Variants in CEP57L1 observed in about 807,000 individuals in gnomAD.
CEP57L1 encodes centrosomal protein 57 like 1.
CEP57L1 carries 37 observed loss-of-function variants against 61.0 expected under a neutral mutation model. That is an observed-to-expected ratio of 0.61 (90% CI 0.47 to 0.80). The LOEUF is 0.80. Ranked by LOEUF, CEP57L1 falls within the 30% of genes least tolerant of loss-of-function variation. The probability of loss-of-function intolerance (pLI) is 0.00; values close to 1 mark genes in which losing one functional copy is unlikely to be tolerated. For synonymous variants in CEP57L1, 137 were observed against 162.3 expected (o/e 0.84, Z 1.19); for missense variants, 422 against 524.7 (o/e 0.80, Z 1.91).
chr6:109,153,722 TTTC>T, intron 4 of CEP57L1, 108 bp from the exon 5 acceptor site: 1 of 723,984 alleles, frequency 1.4e-6, no homozygotes, highest in Non-Finnish European at 2.5e-6. Flanking sequence ...TATGTACATG[TTTC>T]TTAAGATATT....
intron 1 of CEP57L1, among the ~76,000 whole-genome samples, chr6:109,107,052 A>T (rs1272989157): frequency 2.0e-5 from 3 of 152,252 alleles, no homozygotes; most frequent in African/African-American, 7.2e-5. Context: ...GTTTCAAACT[A>T]CAATTTTCAA....
At chr6:109,124,764 T>C (rs922219330) in intron 1 of CEP57L1, among the ~76,000 whole-genome samples, 1 of 152,188 alleles carries the variant, frequency 6.6e-6, no homozygotes, top group Non-Finnish European at 1.5e-5. Flanking sequence ...ACTAGTTCAG[T>C]ACCAAGTATT....
At chr6:109,103,121 T>C (rs1055025988) in intron 1 of CEP57L1, among the ~76,000 whole-genome samples, 1 of 152,236 alleles carries the variant, frequency 6.6e-6, no homozygotes, top group African/African-American at 2.4e-5. Context: ...TTTTCCACAA[T>C]AGTTTGACCC....
chr6:109,155,726 T>C, intron 6 of CEP57L1, 65 bp from the exon 7 acceptor site: 1 of 782,290 alleles, frequency 1.3e-6, no homozygotes, highest in South Asian at 1.7e-5. Context: ...TTAGACCTGA[T>C]ATCTCATTAC....
At chr6:109,105,298 A>C (rs2114587104) in intron 1 of CEP57L1, among the ~76,000 whole-genome samples, 1 of 152,224 alleles carries the variant, frequency 6.6e-6, no homozygotes, top group South Asian at 2.1e-4. Context: ...TTCTAAAACA[A>C]AGGTTTGTTG....
At chr6:109,112,255 G>A (rs761846000) in intron 1 of CEP57L1, among the ~76,000 whole-genome samples, 2 of 152,074 alleles carry the variant, frequency 1.3e-5, no homozygotes, top group South Asian at 2.1e-4. Context: ...GTCTTGGGAG[G>A]GTGTATGTGC....
intron 7 of CEP57L1, 84 bp from the exon 8 acceptor site, chr6:109,158,941 T>C (rs1773467610): frequency 3.6e-6 from 5 of 1,371,148 alleles, no homozygotes; most frequent in Non-Finnish European, 1.0e-6. Flanking sequence ...TGCATTGTTT[T>C]CTGTTGAGTT....
chr6:109,143,599 GTAGTC>G (rs1771653320), intron 1 of CEP57L1, among the ~76,000 whole-genome samples: 1 of 151,970 alleles, frequency 6.6e-6, no homozygotes, highest in Non-Finnish European at 1.5e-5. Context: ...TAAATAAACT[GTAGTC>G]TACTTTTTAA....
In CEP57L1 at chr6:109,165,131, G is replaced by T. The variant is rs977343882; in HGVS notation, c.*2161G>T. Among the ~76,000 whole-genome samples the T allele has an allele frequency of 6.6e-6, 1 of 150,912 alleles. No homozygotes were observed. Among genetic ancestry groups the T allele is most frequent in the African/African-American group, 2.4e-5 (1 of 41,120 alleles). ...TAGGAACATGGAATATTTCAACTGAGAATTTTCTTAAAAATTAGTCCAGTG... is the reference window on the plus strand; with the variant it reads ...TAGGAACATGGAATATTTCAACTGATAATTTTCTTAAAAATTAGTCCAGTG... On this transcript the variant is annotated 3_prime_UTR_variant, in exon 11 of 11. Transcript: ENST00000517392.
At position 109,145,292 on chromosome 6, in the gene CEP57L1, C is replaced by T; in HGVS notation, c.71C>T (p.Ser24Leu). 6.2e-7 allele frequency: 1 copy of T among 1,609,034 alleles called. No homozygotes were observed. The highest frequency in any genetic ancestry group is 1.1e-5 in the South Asian group (1 of 90,758). ...HKPPERVFVPSFTQNEPSQNC... is the reference protein window; with the variant it reads ...HKPPERVFVPLFTQNEPSQNC... The stretch of plus-strand genomic sequence containing the variant: ...CCTCCAGAAAGAGTATTTGTTCCCT[C>T]ATTCACCCAGAATGAACCATCTCAG... The change falls in exon 2 of 11, where the codon TCA becomes TTA. Residue 24 changes from serine (S) to leucine (L), a missense_variant. Ser to Leu is a moderately radical substitution (Grantham distance 145). Coordinates refer to ENST00000517392, the MANE Select transcript of CEP57L1 (RefSeq NM_001271852.3).
chr6:109,174,262 G>T lies in CEP57L1; in HGVS notation c.*11292G>T, dbSNP rs1183964138. Among the ~76,000 whole-genome samples, 1 of 152,148 alleles carries T rather than the reference G, an allele frequency of 6.6e-6. No homozygotes were observed. Among genetic ancestry groups the T allele is most frequent in the Admixed American group, 6.6e-5 (1 of 15,262 alleles). ...GCACTGAGAACTTTTCAGATTTCTT[G>T]CAGAGGTCATAATGTTCCAGACAAG... On this transcript the variant is annotated 3_prime_UTR_variant, in exon 11 of 11. Transcript: ENST00000517392.
intron 1 of CEP57L1, among the ~76,000 whole-genome samples, chr6:109,113,506 A>G (rs1771920949): frequency 6.6e-6 from 1 of 152,126 alleles, no homozygotes; most frequent in Non-Finnish European, 1.5e-5. Context: ...TTTACTCATC[A>G]TGACTTTGCA....
At chr6:109,162,596 A>G (rs1298634268) in intron 10 of CEP57L1, among the ~76,000 whole-genome samples, 153 bp from the exon 11 acceptor site, 1 of 152,144 alleles carries the variant, frequency 6.6e-6, no homozygotes, top group Non-Finnish European at 1.5e-5. Flanking sequence ...TAGGCATGTA[A>G]TAGATGTTCA....
At chr6:109,102,087 C>G (rs927517474) in intron 1 of CEP57L1, among the ~76,000 whole-genome samples, 17 of 152,172 alleles carry the variant, frequency 1.1e-4, no homozygotes, top group African/African-American at 4.1e-4. Flanking sequence ...TGGTGATTCC[C>G]CAATGACATA....
chr6:109,136,278 AGCTG>A (rs1770664210), intron 1 of CEP57L1, among the ~76,000 whole-genome samples: 2 of 152,310 alleles, frequency 1.3e-5, no homozygotes, highest in East Asian at 1.9e-4. Context: ...ACATGGATGA[AGCTG>A]GAAACCATCA....
intron 1 of CEP57L1, 125 bp downstream of exon 1, chr6:109,095,700 G>A (rs1260903126): frequency 2.0e-6 from 1 of 510,906 alleles, no homozygotes; most frequent in Non-Finnish European, 2.5e-6. Context: ...TTTTTCCAGT[G>A]ACTTGCGTGG....
chr6:109,162,868 G>A lies in CEP57L1; in HGVS notation c.1281G>A (p.Leu427=), dbSNP rs150828289. ...TAAAAAATAGCCCCAGAAAATGTTTGACTGACACTAACCTTTTTCAGAAAA... is the reference window on the plus strand; with the variant it reads ...TAAAAAATAGCCCCAGAAAATGTTTAACTGACACTAACCTTTTTCAGAAAA... The part of the protein sequence containing the change: ...KNIKNSPRKC[L]TDTNLFQKNS... The change falls in exon 11 of 11, where the codon TTG becomes TTA. Residue 427 remains leucine (L), a synonymous_variant. Transcript: ENST00000517392. 234 of 1,613,084 alleles carry A rather than the reference G, an allele frequency of 1.5e-4. No individual in the cohort carries two copies. Among genetic ancestry groups the A allele is most frequent in the Non-Finnish European group, 1.6e-4 (185 of 1,179,446 alleles).
chr6:109,151,142 G>A (rs1208671441), intron 4 of CEP57L1, among the ~76,000 whole-genome samples: 1 of 152,194 alleles, frequency 6.6e-6, no homozygotes, highest in African/African-American at 2.4e-5. Flanking sequence ...GTAGTTTAAA[G>A]TGTTCTAATA....
intron 1 of CEP57L1, among the ~76,000 whole-genome samples, chr6:109,101,666 G>A (rs1335761707): frequency 1.3e-5 from 2 of 150,384 alleles, no homozygotes; most frequent in Non-Finnish European, 2.9e-5. Context: ...TTTCGCACAG[G>A]CTGGACTGCA....
Sources: allele counts gnomAD v4.1 joint callset (sites outside exome capture counted in the v4.1 genomes callset), GRCh38; gene constraint gnomAD v4.1.1; transcripts MANE v1.5; gene names NCBI Gene and HGNC (gene_info 2026-07-23, HGNC 2026-07-21).